CPQ: variants seen among roughly 807,000 people sequenced by gnomAD.
CPQ encodes carboxypeptidase Q, also known as Ser-Met dipeptidase.
CPQ carries 37 observed loss-of-function variants against 45.7 expected under a neutral mutation model. The ratio of observed to expected loss-of-function variants is 0.81; its 90% CI spans 0.62 to 1.07. CPQ has a LOEUF of 1.07. CPQ is among the 50% of genes least tolerant of loss of function. The pLI, the probability that CPQ is intolerant of heterozygous loss-of-function variation, is 0.00. For missense variants in CPQ, 537 were observed against 572.9 expected, an observed-to-expected ratio of 0.94 and a Z score of 0.64; for synonymous variants, 186 against 205.8, an observed-to-expected ratio of 0.90 and a Z score of 0.82.
In CPQ at chr8:96,733,447, C is replaced by T. The variant is rs112420399; in HGVS notation, c.-34-51417C>T. Among the ~76,000 whole-genome samples, 687 of 152,230 alleles carry T rather than the reference C, an allele frequency of 4.5e-3. 12 individuals carry two copies. Among genetic ancestry groups the T allele is most frequent in the African/African-American group, 0.015 (626 of 41,540 alleles). On this transcript the variant is annotated intron_variant, in intron 1 of 7. Coordinates refer to ENST00000220763, the MANE Select transcript of CPQ (RefSeq NM_016134.4). ...GTATTATGGTGCTGATTTTTCAGCA[C>T]ATCTTTATTTTCCCTTTTCCAGTTT...
At chr8:96,717,323 T>G (rs780422224) in intron 1 of CPQ, among the ~76,000 whole-genome samples, 1 of 151,910 alleles carries the variant, frequency 6.6e-6, no homozygotes, top group Non-Finnish European at 1.5e-5. Context: ...ATAGTGGTTT[T>G]ACTAGTTTAC....
chr8:96,652,660 T>A (rs1444484737), intron 1 of CPQ, among the ~76,000 whole-genome samples: 1 of 152,112 alleles, frequency 6.6e-6, no homozygotes, highest in African/African-American at 2.4e-5. Flanking sequence ...TGAGACGGAG[T>A]CTTGCTCTAT....
intron 1 of CPQ, among the ~76,000 whole-genome samples, chr8:96,666,976 G>A (rs1808932958): frequency 6.6e-6 from 1 of 152,044 alleles, no homozygotes; most frequent in South Asian, 2.1e-4. Context: ...TTCTGAAATA[G>A]CTCCCAGATT....
intron 4 of CPQ, among the ~76,000 whole-genome samples, chr8:96,928,899 A>C (rs1812931265): frequency 6.6e-6 from 1 of 152,182 alleles, no homozygotes; most frequent in Admixed American, 6.5e-5. Flanking sequence ...TGGGGCCTGA[A>C]AGCTTTCTGC....
At chr8:96,993,925 C>T (rs186038378) in intron 5 of CPQ, among the ~76,000 whole-genome samples, 2 of 152,236 alleles carry the variant, frequency 1.3e-5, no homozygotes, top group East Asian at 3.9e-4. Flanking sequence ...CTCCCGTTCT[C>T]TCTTGCTGTT....
chr8:96,923,362 G>C (rs568531132), intron 4 of CPQ, among the ~76,000 whole-genome samples: 1 of 152,052 alleles, frequency 6.6e-6, no homozygotes, highest in African/African-American at 2.4e-5. Context: ...CCTCCTTTCC[G>C]TTCCTACACT....
At chr8:96,721,454 C>T (rs1809762910) in intron 1 of CPQ, among the ~76,000 whole-genome samples, 1 of 152,082 alleles carries the variant, frequency 6.6e-6, no homozygotes, top group Non-Finnish European at 1.5e-5. Context: ...ACACCTATAC[C>T]AATAACTACA....
intron 1 of CPQ, among the ~76,000 whole-genome samples, chr8:96,716,904 G>A (rs1329008028): frequency 5.3e-5 from 8 of 150,558 alleles, no homozygotes; most frequent in African/African-American, 1.2e-4. Context: ...GCAAAACTCC[G>A]TCACACACAC....
At chr8:96,980,940 C>T (rs1813883500) in intron 5 of CPQ, among the ~76,000 whole-genome samples, 1 of 152,166 alleles carries the variant, frequency 6.6e-6, no homozygotes, top group African/African-American at 2.4e-5. Context: ...ATCCCTTTTG[C>T]TCTCTCTGTG....
intron 5 of CPQ, among the ~76,000 whole-genome samples, chr8:96,976,153 A>G (rs1813776705): frequency 6.6e-6 from 1 of 151,794 alleles, no homozygotes; most frequent in African/African-American, 2.4e-5. Context: ...TCAGGATACA[A>G]AATTAATGTA....
At chr8:96,874,291 G>A (rs1286630921) in intron 3 of CPQ, among the ~76,000 whole-genome samples, 1 of 151,644 alleles carries the variant, frequency 6.6e-6, no homozygotes, top group African/African-American at 2.4e-5. Context: ...TTCTTATTTT[G>A]ACTTTTATAA....
intron 5 of CPQ, among the ~76,000 whole-genome samples, chr8:96,966,663 G>A (rs896967748): frequency 5.3e-5 from 8 of 152,118 alleles, no homozygotes; most frequent in African/African-American, 1.9e-4. Context: ...TCCCCTGGGG[G>A]GCCAGGGAAG....
At chr8:97,044,754 G>T (rs560408491) in intron 6 of CPQ, among the ~76,000 whole-genome samples, 6 of 152,212 alleles carry the variant, frequency 3.9e-5, no homozygotes, top group African/African-American at 1.4e-4. Flanking sequence ...GTCCACTCCC[G>T]ACCCTGTTTG....
chr8:96,663,876 G>A (rs1195111078), intron 1 of CPQ, among the ~76,000 whole-genome samples: 1 of 152,026 alleles, frequency 6.6e-6, no homozygotes, highest in African/African-American at 2.4e-5. Context: ...AAGGAAGTGA[G>A]GAAGGCAATA....
At chr8:96,962,032 T>C (rs1219095229) in intron 4 of CPQ, among the ~76,000 whole-genome samples, 6 of 152,194 alleles carry the variant, frequency 3.9e-5, no homozygotes, top group Admixed American at 3.3e-4. Flanking sequence ...CCATCTCCAC[T>C]CTCAGACCTA....
At chr8:96,783,697 A>C (rs937330662) in intron 1 of CPQ, among the ~76,000 whole-genome samples, 26 of 152,096 alleles carry the variant, frequency 1.7e-4, no homozygotes, top group African/African-American at 6.3e-4. Context: ...CATGATAGGA[A>C]TGTTCTGTCT....
At chr8:96,965,546 T>C (rs1327120356) in intron 4 of CPQ, among the ~76,000 whole-genome samples, 1 of 152,028 alleles carries the variant, frequency 6.6e-6, no homozygotes, top group Non-Finnish European at 1.5e-5. Flanking sequence ...ATTTTTTGTA[T>C]TTTTAGTAGA....
At chr8:97,032,651 C>T (rs1199732460) in intron 6 of CPQ, among the ~76,000 whole-genome samples, 4 of 152,186 alleles carry the variant, frequency 2.6e-5, no homozygotes, top group African/African-American at 9.7e-5. Flanking sequence ...GAGGTCTTTA[C>T]CTCCCATGGT....
intron 3 of CPQ, among the ~76,000 whole-genome samples, chr8:96,866,586 G>C (rs2130870992): frequency 6.6e-6 from 1 of 152,088 alleles, no homozygotes; most frequent in East Asian, 1.9e-4. Flanking sequence ...TTAAGTTATA[G>C]CTCTAAGTGT....
Sources: gnomAD v4.1 joint callset for allele counts (sites outside exome capture counted in the v4.1 genomes callset) on GRCh38, gnomAD v4.1.1 for gene constraint, MANE v1.5 for transcripts, NCBI Gene and HGNC (gene_info 2026-07-23, HGNC 2026-07-21) for gene names.